NRXN3: variants seen among roughly 807,000 people sequenced by gnomAD.
NRXN3 encodes neurexin 3.
In NRXN3, 32 loss-of-function variants were observed where a neutral mutation model predicts 137.6. The observed-to-expected ratio is 0.23, with a 90% confidence interval of 0.18 to 0.31. The LOEUF (loss-of-function observed/expected upper bound fraction) is 0.31. NRXN3 is among the 10% of genes least tolerant of loss of function. The pLI is 1.00. For missense variants in NRXN3, 1,574 were observed against 2,062.5 expected, an observed-to-expected ratio of 0.76 and a Z score of 4.59; for synonymous variants, 798 against 784.5, an observed-to-expected ratio of 1.02 and a Z score of -0.29.
intron 1 of NRXN3, among the ~76,000 whole-genome samples, chr14:78,217,930 G>A (rs910701727): frequency 1.3e-5 from 2 of 152,140 alleles, no homozygotes; most frequent in African/African-American, 4.8e-5. Context: ...CAAAGTGCTG[G>A]GATTACAGGC....
At chr14:79,614,660 C>T (rs950834786) in intron 16 of NRXN3, among the ~76,000 whole-genome samples, 4 of 152,118 alleles carry the variant, frequency 2.6e-5, no homozygotes, top group African/African-American at 4.8e-5. Context: ...GGAACGTGAA[C>T]AGAATTTTCA....
At chr14:78,225,982 T>G (rs1408010329) in intron 1 of NRXN3, among the ~76,000 whole-genome samples, 6 of 136,466 alleles carry the variant, frequency 4.4e-5, no homozygotes, top group African/African-American at 1.8e-4. Flanking sequence ...TTGGTGTGTG[T>G]GTGTGTGTGT....
chr14:78,733,234 G>A (rs908781282), intron 8 of NRXN3, among the ~76,000 whole-genome samples: 7 of 152,100 alleles, frequency 4.6e-5, no homozygotes, highest in African/African-American at 1.7e-4. Context: ...TCATGCCTGG[G>A]ATATAGAACG....
intron 19 of NRXN3, among the ~76,000 whole-genome samples, chr14:79,774,943 T>G (rs983721543): frequency 6.7e-6 from 1 of 149,418 alleles, no homozygotes; most frequent in Non-Finnish European, 1.5e-5. Flanking sequence ...ATATATAGTA[T>G]GTGTGTGTGT....
intron 16 of NRXN3, among the ~76,000 whole-genome samples, chr14:79,596,597 A>G (rs1264874912): frequency 6.6e-6 from 1 of 152,102 alleles, no homozygotes; most frequent in Non-Finnish European, 1.5e-5. Context: ...TCTCTTACAG[A>G]CTAAGAGTAT....
At chr14:79,497,253 CCTT>C (rs1287898037) in intron 16 of NRXN3, among the ~76,000 whole-genome samples, 15 of 152,176 alleles carry the variant, frequency 9.9e-5, no homozygotes, top group African/African-American at 3.1e-4. Context: ...TATCCTCACT[CCTT>C]TGTTCGTGAA....
intron 15 of NRXN3, among the ~76,000 whole-genome samples, chr14:79,101,289 C>G (rs2051251092): frequency 6.6e-6 from 1 of 152,178 alleles, no homozygotes; most frequent in African/African-American, 2.4e-5. Context: ...ATTGTCACAC[C>G]ATTTATGTGT....
intron 2 of NRXN3, among the ~76,000 whole-genome samples, chr14:78,266,450 C>A (rs2071728137): frequency 6.6e-6 from 1 of 152,040 alleles, no homozygotes; most frequent in Non-Finnish European, 1.5e-5. Flanking sequence ...AGGCACATAC[C>A]ACCACGCCCA....
intron 15 of NRXN3, among the ~76,000 whole-genome samples, chr14:79,166,651 G>T (rs539779989): frequency 1.3e-5 from 2 of 151,470 alleles, no homozygotes; most frequent in Non-Finnish European, 2.9e-5. Flanking sequence ...AGTAAGATGG[G>T]CATTGGCAGG....
chr14:78,197,330 C>T (rs1445146366), intron 1 of NRXN3, among the ~76,000 whole-genome samples: 6 of 152,220 alleles, frequency 3.9e-5, no homozygotes, highest in East Asian at 3.8e-4. Context: ...TTACTCCCCA[C>T]GCCTCCCTCC....
rs143333526 is a variant in NRXN3, at chr14:79,590,015, T to C, written c.3445-73763T>C. Among the ~76,000 whole-genome samples the C allele has an allele frequency of 4.2e-3, 635 of 152,232 alleles. 3 individuals carry two copies. Among genetic ancestry groups the C allele is most frequent in the Middle Eastern group, 6.8e-3 (2 of 294 alleles). On this transcript the variant is annotated intron_variant, in intron 16 of 20. Coordinates refer to ENST00000335750, the MANE Select transcript of NRXN3 (RefSeq NM_001330195.2). ...CAAAACATGATAAGCCCATTTTTCTTTTGCTGTATTGGAGTCTGTGAAACA... is the reference window on the plus strand; with the variant it reads ...CAAAACATGATAAGCCCATTTTTCTCTTGCTGTATTGGAGTCTGTGAAACA...
At chr14:79,807,923 CAGAG>C (rs561232344) in intron 20 of NRXN3, among the ~76,000 whole-genome samples, 17 of 152,150 alleles carry the variant, frequency 1.1e-4, no homozygotes, top group African/African-American at 4.1e-4. Context: ...CCTAGTAATG[CAGAG>C]AGAGAAGAGG....
intron 4 of NRXN3, among the ~76,000 whole-genome samples, chr14:78,542,965 G>T (rs901858573): frequency 6.6e-6 from 1 of 152,140 alleles, no homozygotes; most frequent in Non-Finnish European, 1.5e-5. Context: ...GGTAGGAGAG[G>T]ATCATCACAT....
At chr14:78,900,460 A>G (rs898698140) in intron 10 of NRXN3, among the ~76,000 whole-genome samples, 10 of 145,002 alleles carry the variant, frequency 6.9e-5, no homozygotes, top group Admixed American at 5.5e-4. Context: ...TTTTTTCACT[A>G]TCTATCATTA....
intron 4 of NRXN3, among the ~76,000 whole-genome samples, chr14:78,313,161 C>G (rs1392987955): frequency 6.6e-6 from 1 of 152,178 alleles, no homozygotes. Context: ...CGGCTTCCCT[C>G]CAAAAATTAT....
chr14:79,049,433 G>C (rs1176658457), intron 15 of NRXN3, among the ~76,000 whole-genome samples: 1 of 152,078 alleles, frequency 6.6e-6, no homozygotes, highest in African/African-American at 2.4e-5. Flanking sequence ...TTCTGTTCTA[G>C]TTCTCTTGCT....
At chr14:79,741,269 A>G (rs2098962111) in intron 19 of NRXN3, among the ~76,000 whole-genome samples, 2 of 152,150 alleles carry the variant, frequency 1.3e-5, no homozygotes, top group African/African-American at 2.4e-5. Context: ...GCTTTGAATC[A>G]CAGAATTTGG....
chr14:78,302,864 C>T (rs1167153078), intron 4 of NRXN3, among the ~76,000 whole-genome samples: 1 of 152,226 alleles, frequency 6.6e-6, no homozygotes, highest in African/African-American at 2.4e-5. Context: ...CAGAATGTCT[C>T]TTGCATCTCT....
rs551707418 is a variant in NRXN3, at chr14:78,289,459, A to AT, written c.728-8371dup. On this transcript the variant is annotated intron_variant, in intron 3 of 20. Coordinates refer to ENST00000335750, the MANE Select transcript of NRXN3 (RefSeq NM_001330195.2). ...TCATCAGAATTCATAGAGGCAAAGA[A>AT]TCTTAGAGTTGGGAGGACTTTCTGG... is the stretch of plus-strand genomic sequence containing the variant. Among the ~76,000 whole-genome samples the AT allele has an allele frequency of 2.0e-3, 308 of 152,256 alleles. 2 individuals carry two copies. The highest frequency in any genetic ancestry group is 7.1e-3 in the African/African-American group (296 of 41,550).
Sources: allele counts gnomAD v4.1 joint callset (sites outside exome capture counted in the v4.1 genomes callset), GRCh38; gene constraint gnomAD v4.1.1; transcripts MANE v1.5; gene names NCBI Gene and HGNC (gene_info 2026-07-23, HGNC 2026-07-21).